Variants in CDH13 observed in about 807,000 individuals in gnomAD.
CDH13 encodes cadherin 13.
In CDH13, 24 loss-of-function variants were observed where a neutral mutation model predicts 63.8. The ratio of observed to expected loss-of-function variants is 0.38; its 90% CI spans 0.27 to 0.53. The LOEUF is 0.53. Among genes scored for constraint, CDH13 ranks in the 20% least tolerant of loss-of-function variants. The probability of loss-of-function intolerance (pLI) is 0.85; values close to 1 mark genes in which losing one functional copy is unlikely to be tolerated. For synonymous variants in CDH13, 503 were observed against 355.3 expected, an observed-to-expected ratio of 1.42 and a Z score of -4.67; for missense variants, 1,049 against 903.1, an observed-to-expected ratio of 1.16 and a Z score of -2.07.
intron 11 of CDH13, among the ~76,000 whole-genome samples, chr16:83,767,842 G>T (rs1016394044): frequency 6.6e-6 from 1 of 152,114 alleles, no homozygotes; most frequent in African/African-American, 2.4e-5. Flanking sequence ...CCAGGGGCTG[G>T]GAGTGGGCAT....
intron 11 of CDH13, among the ~76,000 whole-genome samples, chr16:83,757,699 A>C (rs1567576038): frequency 6.6e-6 from 1 of 152,208 alleles, no homozygotes; most frequent in Non-Finnish European, 1.5e-5. Flanking sequence ...ACAAATTACC[A>C]ACACTGGGAA....
At chr16:83,664,267 A>G (rs1045897596) in intron 8 of CDH13, among the ~76,000 whole-genome samples, 1 of 152,098 alleles carries the variant, frequency 6.6e-6, no homozygotes. Flanking sequence ...GGGCCTGACT[A>G]TGCCTTTTCT....
chr16:82,910,867 A>G (rs2041808429), intron 2 of CDH13, among the ~76,000 whole-genome samples: 1 of 152,198 alleles, frequency 6.6e-6, no homozygotes, highest in Non-Finnish European at 1.5e-5. Flanking sequence ...GAGGGTCAAC[A>G]GTGCCACAGG....
At chr16:82,835,060 C>T (rs1298352050) in intron 1 of CDH13, among the ~76,000 whole-genome samples, 3 of 152,092 alleles carry the variant, frequency 2.0e-5, no homozygotes, top group South Asian at 2.1e-4. Context: ...AAACAGGTGA[C>T]GTTAATTGTA....
At chr16:83,663,088 C>T (rs1235500411) in intron 8 of CDH13, among the ~76,000 whole-genome samples, 1 of 152,216 alleles carries the variant, frequency 6.6e-6, no homozygotes, top group African/African-American at 2.4e-5. Context: ...TGCACAAATG[C>T]TGGGAAACCT....
intron 7 of CDH13, among the ~76,000 whole-genome samples, chr16:83,544,728 G>A (rs2075354033): frequency 6.6e-6 from 1 of 152,140 alleles, no homozygotes; most frequent in African/African-American, 2.4e-5. Context: ...TCGTAAGTCA[G>A]GGACTCTCTC....
chr16:83,414,756 C>G (rs190300146), intron 6 of CDH13, among the ~76,000 whole-genome samples: 7 of 152,280 alleles, frequency 4.6e-5, no homozygotes, highest in Non-Finnish European at 1.0e-4. Flanking sequence ...ATATCCTTCA[C>G]TTGTGAGGTT....
chr16:82,659,751 T>C (rs1911716901), intron 1 of CDH13, among the ~76,000 whole-genome samples: 1 of 151,930 alleles, frequency 6.6e-6, no homozygotes, highest in Non-Finnish European at 1.5e-5. Context: ...CGTTAAATAG[T>C]AGGGAAGGGT....
chr16:83,329,773 G>A (rs547196039), intron 5 of CDH13, among the ~76,000 whole-genome samples: 69 of 152,194 alleles, frequency 4.5e-4, no homozygotes, highest in African/African-American at 1.6e-3. Flanking sequence ...GAATCACACA[G>A]TATTTGTCTT....
intron 6 of CDH13, among the ~76,000 whole-genome samples, chr16:83,457,417 A>G (rs1450626804): frequency 1.3e-5 from 2 of 152,110 alleles, no homozygotes. Context: ...CTGCCTTGCC[A>G]TCACTCATTA....
chr16:83,455,106 A>G (rs1369807540), intron 6 of CDH13, among the ~76,000 whole-genome samples: 1 of 152,238 alleles, frequency 6.6e-6, no homozygotes, highest in Non-Finnish European at 1.5e-5. Flanking sequence ...GTGAAAATTG[A>G]TGCTCAGAGA....
chr16:83,220,328 T>C (rs1288445705), intron 5 of CDH13, among the ~76,000 whole-genome samples: 1 of 152,206 alleles, frequency 6.6e-6, no homozygotes, highest in Non-Finnish European at 1.5e-5. Flanking sequence ...CACAGGAATG[T>C]TGCAATTTCC....
At chr16:83,124,772 T>C (rs2035737011) in intron 3 of CDH13, among the ~76,000 whole-genome samples, 1 of 152,230 alleles carries the variant, frequency 6.6e-6, no homozygotes. Flanking sequence ...ACACCATTTA[T>C]TGAATAGAGC....
At chr16:83,246,099 A>C in intron 5 of CDH13, among the ~76,000 whole-genome samples, 1 of 152,158 alleles carries the variant, frequency 6.6e-6, no homozygotes, top group South Asian at 2.1e-4. Context: ...GTTCTTATTT[A>C]TTGTTACAGT....
At chr16:83,362,266 C>T (rs925895174) in intron 6 of CDH13, among the ~76,000 whole-genome samples, 1 of 152,170 alleles carries the variant, frequency 6.6e-6, no homozygotes, top group Non-Finnish European at 1.5e-5. Flanking sequence ...AATCTGAGAC[C>T]TTTACCTTTG....
chr16:83,018,646 A>C (rs374698279), intron 2 of CDH13, among the ~76,000 whole-genome samples: 26 of 152,316 alleles, frequency 1.7e-4, no homozygotes, highest in African/African-American at 6.3e-4. Flanking sequence ...ATATGCTCTG[A>C]GAATGCACCA....
intron 2 of CDH13, among the ~76,000 whole-genome samples, chr16:82,902,458 A>G (rs184248645): frequency 2.0e-5 from 3 of 151,534 alleles, no homozygotes; most frequent in East Asian, 1.9e-4. Flanking sequence ...TTGACAAGCA[A>G]TTAAGAAGTC....
At chr16:82,629,893 G>A (rs1907800771) in intron 1 of CDH13, among the ~76,000 whole-genome samples, 1 of 152,204 alleles carries the variant, frequency 6.6e-6, no homozygotes, top group African/African-American at 2.4e-5. Context: ...CATGGTAAAT[G>A]TGATTCCCCT....
intron 4 of CDH13, among the ~76,000 whole-genome samples, chr16:83,132,696 G>A (rs562493837): frequency 1.3e-5 from 2 of 152,144 alleles, no homozygotes; most frequent in Admixed American, 6.5e-5. Context: ...CCAAAGGGTG[G>A]GGATTACAAG....
Sources: gnomAD v4.1 joint callset for allele counts (sites outside exome capture counted in the v4.1 genomes callset) on GRCh38, gnomAD v4.1.1 for gene constraint, MANE v1.5 for transcripts, NCBI Gene and HGNC (gene_info 2026-07-23, HGNC 2026-07-21) for gene names.